The following CHL1 variants were observed in gnomAD, a reference collection of about 807,000 sequenced individuals.
CHL1 encodes the protein cell adhesion molecule L1 like, also known as neural cell adhesion molecule L1-like protein.
CHL1 carries 96 observed loss-of-function variants against 141.9 expected under a neutral mutation model. That is an observed-to-expected ratio of 0.68 (90% confidence interval 0.57 to 0.80). The LOEUF (loss-of-function observed/expected upper bound fraction) is 0.80. Among genes scored for constraint, CHL1 ranks in the 30% least tolerant of loss-of-function variants. The pLI, the probability that CHL1 is intolerant of heterozygous loss-of-function variation, is 0.00. For synonymous variants in CHL1, 613 were observed against 502.2 expected, an observed-to-expected ratio of 1.22 and a Z score of -2.95; for missense variants, 1,820 against 1,457.2, an observed-to-expected ratio of 1.25 and a Z score of -4.05.
chr3:383,940 G>A, intron 19 of CHL1, 54 bp downstream of exon 19: 1 of 1,210,390 alleles, frequency 8.3e-7, no homozygotes, highest in Non-Finnish European at 1.2e-6. Flanking sequence ...CTTCCTCTTA[G>A]GTCTGCATGC....
intron 2 of CHL1, among the ~76,000 whole-genome samples, chr3:251,733 A>C (rs1159043836): frequency 6.6e-6 from 1 of 152,150 alleles, no homozygotes; most frequent in Non-Finnish European, 1.5e-5. Flanking sequence ...TTTTTAAAAG[A>C]GGCATAATTC....
At chr3:208,694 G>A (rs1380988658) in intron 1 of CHL1, among the ~76,000 whole-genome samples, 1 of 152,150 alleles carries the variant, frequency 6.6e-6, no homozygotes, top group African/African-American at 2.4e-5. Flanking sequence ...TTTTATGTGT[G>A]TACCTGCGTG....
At chr3:270,589 T>C (rs1271170051) in intron 2 of CHL1, among the ~76,000 whole-genome samples, 2 of 152,222 alleles carry the variant, frequency 1.3e-5, no homozygotes, top group Non-Finnish European at 2.9e-5. Flanking sequence ...CATCTACCTG[T>C]TGTTCTAGTT....
At chr3:343,100 T>C in intron 8 of CHL1, 69 bp downstream of exon 8, 1 of 1,224,350 alleles carries the variant, frequency 8.2e-7, no homozygotes, top group Non-Finnish European at 1.2e-6. Context: ...TTTGAATTTT[T>C]TCTTTAATAT....
intron 11 of CHL1, among the ~76,000 whole-genome samples, chr3:358,973 T>TTTTA (rs201849829): frequency 4.8e-5 from 7 of 146,412 alleles, no homozygotes; most frequent in Non-Finnish European, 9.0e-5. Flanking sequence ...AAAATATATG[T>TTTTA]TATATATATA....
chr3:393,126 G>A (rs537866265), intron 23 of CHL1, among the ~76,000 whole-genome samples: 10 of 151,502 alleles, frequency 6.6e-5, no homozygotes, highest in Non-Finnish European at 1.3e-4. Context: ...CCAGCTACTC[G>A]GGCGGCTGAG....
intron 17 of CHL1, 25 bp from the exon 18 acceptor site, chr3:382,449 A>AT (rs777801464): frequency 3.4e-5 from 54 of 1,593,374 alleles, no homozygotes; most frequent in Non-Finnish European, 4.0e-5. Context: ...ACATTCTAAT[A>AT]TTTTTTCCCT....
At chr3:231,996 A>G (rs1701907717) in intron 1 of CHL1, among the ~76,000 whole-genome samples, 1 of 152,134 alleles carries the variant, frequency 6.6e-6, no homozygotes, top group Non-Finnish European at 1.5e-5. Flanking sequence ...GACTCTCCTC[A>G]TGTTAAAAAA....
chr3:203,628 A>T (rs1000269387), intron 1 of CHL1, among the ~76,000 whole-genome samples: 6 of 152,206 alleles, frequency 3.9e-5, no homozygotes, highest in Admixed American at 3.9e-4. Context: ...GGATAATGGG[A>T]AGGTGAAGTT....
intron 23 of CHL1, among the ~76,000 whole-genome samples, chr3:393,057 C>A (rs1246049269): frequency 4.6e-5 from 7 of 151,878 alleles, no homozygotes; most frequent in Non-Finnish European, 7.4e-5. Context: ...CACGGTGAAA[C>A]CCCGTCTCTA....
intron 15 of CHL1, among the ~76,000 whole-genome samples, chr3:367,147 T>C (rs1277194906): frequency 6.6e-6 from 1 of 152,236 alleles, no homozygotes; most frequent in Non-Finnish European, 1.5e-5. Flanking sequence ...AAGTCAGCAT[T>C]TGCTGAATGT....
chr3:350,548 C>G (rs1037862828), intron 10 of CHL1, among the ~76,000 whole-genome samples: 1 of 151,832 alleles, frequency 6.6e-6, no homozygotes, highest in Non-Finnish European at 1.5e-5. Flanking sequence ...TAAAGTTCAC[C>G]TCTTAAAACT....
At chr3:349,596 A>G (rs1447717717) in intron 10 of CHL1, 53 bp downstream of exon 10, 8 of 1,460,264 alleles carry the variant, frequency 5.5e-6, no homozygotes, top group Admixed American at 4.0e-5. Flanking sequence ...GTAACTGTAT[A>G]CATGTAGTAG....
chr3:245,148 A>G (rs1693043380), intron 2 of CHL1, among the ~76,000 whole-genome samples: 2 of 152,148 alleles, frequency 1.3e-5, no homozygotes, highest in African/African-American at 4.8e-5. Context: ...AGCTTCAGTC[A>G]CTGTTCCTTG....
At chr3:354,926 GGTT>G (rs756753981) in intron 11 of CHL1, among the ~76,000 whole-genome samples, 155 bp downstream of exon 11, 3 of 152,166 alleles carry the variant, frequency 2.0e-5, no homozygotes, top group East Asian at 3.9e-4. Flanking sequence ...TAAGCAATTT[GGTT>G]GTTAAGACTT....
chr3:342,197 T>A lies in CHL1; in HGVS notation c.679+115T>A, dbSNP rs182899044. 9.8e-5 allele frequency: 84 copies of A among 860,424 alleles called. 3 individuals are homozygous for A. The South Asian group carries it at 1.6e-3, about 16-fold the overall frequency. The allele number at this position is 860,424 out of a possible 1,614,324, so 53.3% of individuals were successfully genotyped here. On this transcript the variant is annotated intron_variant, in intron 7 of 27. Transcript: ENST00000256509. ...TTGATATTTTGCACCATTGTGCAGT[T>A]CAACTCTGGAGACTTCTTCCAGATG...
chr3:312,014 T>C (rs1699789632), intron 2 of CHL1, among the ~76,000 whole-genome samples: 1 of 152,188 alleles, frequency 6.6e-6, no homozygotes, highest in Non-Finnish European at 1.5e-5. Flanking sequence ...TTTTTAAGAA[T>C]CTTACATGTA....
rs1027714748 is a variant in CHL1, at chr3:399,061, A to T, written c.3298A>T (p.Ile1100Phe). Residue 1100 changes from isoleucine to phenylalanine, a missense_variant, in exon 26 of 28, where the codon ATT (isoleucine) becomes TTT (phenylalanine). Coordinates refer to ENST00000256509, the MANE Select transcript of CHL1 (RefSeq NM_006614.4). Reference protein sequence around the residue: ...YDDISTQGWFIGLMCAIALLT... With the variant: ...YDDISTQGWFFGLMCAIALLT... ...TGACATCTCCACTCAAGGCTGGTTT[A>T]TTGGACTGATGTGTGCGATTGCTCT... The T allele has an allele frequency of 1.2e-6, 2 of 1,611,462 alleles. No individual in the cohort carries two copies. Among genetic ancestry groups the T allele is most frequent in the Admixed American group, 3.3e-5 (2 of 60,004 alleles).
At chr3:234,042 G>A (rs960869772) in intron 1 of CHL1, among the ~76,000 whole-genome samples, 11 of 151,916 alleles carry the variant, frequency 7.2e-5, no homozygotes, top group African/African-American at 1.9e-4. Flanking sequence ...TCATTTTTAC[G>A]TATGTAATGT....
Sources: allele counts gnomAD v4.1 joint callset (sites outside exome capture counted in the v4.1 genomes callset), GRCh38; gene constraint gnomAD v4.1.1; transcripts MANE v1.5; gene names NCBI Gene and HGNC (gene_info 2026-07-23, HGNC 2026-07-21).